METRNL: variants seen among roughly 807,000 people sequenced by gnomAD.
METRNL encodes meteorin-like protein.
Under a neutral mutation model 17.4 loss-of-function variants are expected in METRNL, and 9 were observed. The observed-to-expected ratio is 0.52, with a 90% CI of 0.31 to 0.90. The LOEUF (loss-of-function observed/expected upper bound fraction) is 0.90. Among genes scored for constraint, METRNL ranks in the 40% least tolerant of loss-of-function variants. The pLI is 0.05. For missense variants in METRNL, 408 were observed against 430.7 expected (o/e 0.95, Z 0.47); for synonymous variants, 215 against 199.3 (o/e 1.08, Z -0.66).
chr17:83,089,513 C>T (rs948148460), intron 2 of METRNL, among the ~76,000 whole-genome samples: 2 of 152,218 alleles, frequency 1.3e-5, no homozygotes, highest in South Asian at 2.1e-4. Context: ...CCCGCAGCAG[C>T]GTCCCCAACC....
At chr17:83,094,134 G>T in intron 3 of METRNL, 122 bp from the exon 4 acceptor site, 2 of 768,474 alleles carry the variant, frequency 2.6e-6, no homozygotes, top group Non-Finnish European at 2.0e-6. Context: ...ACGCTAGATG[G>T]CAGAGTCGGG....
chr17:83,079,831 C>T lies in METRNL; in HGVS notation c.16C>T (p.Arg6Trp). ...GCGCCAGAGCATGCGGGGCGCGGCG[C>T]GGGCGGCCTGGGGGCGCGCGGGGCA... Reference protein sequence around the residue: MRGAARAAWGRAGQPW... With the variant: MRGAAWAAWGRAGQPW... The change falls in exon 1 of 4, where the codon CGG (arginine) becomes TGG (tryptophan). Residue 6 changes from arginine to tryptophan, a missense_variant. By Grantham distance (101) the Arg-to-Trp change is moderately radical. Transcript: ENST00000320095. The T allele has an allele frequency of 6.2e-6, 6 of 973,632 alleles. No homozygotes were observed. The highest frequency in any genetic ancestry group is 9.4e-5 in the South Asian group (2 of 21,256). The allele number at this position is 973,632 out of a possible 1,614,324, so 60.3% of individuals were successfully genotyped here. A position where few individuals can be genotyped will look rare whatever the true frequency, so the allele number is the denominator to read the frequency against.
intron 1 of METRNL, among the ~76,000 whole-genome samples, chr17:83,082,413 C>T (rs1179521772): frequency 1.3e-5 from 2 of 152,232 alleles, no homozygotes; most frequent in Non-Finnish European, 2.9e-5. Flanking sequence ...ATTTGCCCTC[C>T]TTTCCATGAA....
chr17:83,094,641 T>C lies in METRNL; in HGVS notation c.*66T>C. 7.5e-7 allele frequency: 1 copy of C among 1,331,362 alleles called. No individual in the cohort carries two copies. Among genetic ancestry groups the C allele is most frequent in the Non-Finnish European group, 9.8e-7 (1 of 1,023,752 alleles). 82.5% of individuals were successfully genotyped at this position (1,331,362 alleles called of 1,614,324 possible). ...GCTGCGGTGGGCGCTGCGGTCCTGG[T>C]GGGGCCGTGCGGTGAGGGCCGCGCG... is the stretch of plus-strand genomic sequence containing the variant. On this transcript the variant is annotated 3_prime_UTR_variant, in exon 4 of 4. Transcript: ENST00000320095.
At chr17:83,086,882 C>A (rs1412206825) in intron 2 of METRNL, among the ~76,000 whole-genome samples, 1 of 152,000 alleles carries the variant, frequency 6.6e-6, no homozygotes, top group Non-Finnish European at 1.5e-5. Flanking sequence ...GTGCCCTCAC[C>A]TTTGGGAACA....
chr17:83,093,436 T>C (rs1358584472), intron 3 of METRNL, among the ~76,000 whole-genome samples: 1 of 152,158 alleles, frequency 6.6e-6, no homozygotes, highest in Non-Finnish European at 1.5e-5. Flanking sequence ...TGGAGGGAGC[T>C]GGGGGTTGTT....
intron 1 of METRNL, among the ~76,000 whole-genome samples, chr17:83,081,461 G>A (rs935691599): frequency 1.3e-5 from 2 of 152,160 alleles, no homozygotes; most frequent in African/African-American, 4.8e-5. Flanking sequence ...GCCTCCCGGA[G>A]CCCGAAGGGA....
rs775284752 is a variant in METRNL, at chr17:83,085,351, GCGGGCCTCGTCATCAC to G, written c.556+29_556+44del. The stretch of plus-strand genomic sequence containing the variant: ...GAGTGTCCTGCCTGGGGCGGGGGCG[GCGGGCCTCGTCATCAC>G]GGGGCTGGTGATGTGGCAGGTGTCT... On this transcript the variant is annotated intron_variant, in intron 2 of 3. Transcript: ENST00000320095. 2.0e-6 allele frequency: 3 copies of G among 1,511,386 alleles called. No individual in the cohort carries two copies. The South Asian group carries it at 4.0e-5, about 20-fold the overall frequency. The allele number at this position is 1,511,386 out of a possible 1,614,324, so 93.6% of individuals were successfully genotyped here. A position where few individuals can be genotyped will look rare whatever the true frequency, so the allele number is the denominator to read the frequency against.
Position 83,085,234 on chromosome 17 carries a change from C to T in METRNL, c.467C>T (p.Thr156Met), listed in dbSNP as rs547188958. 30 of 1,590,752 alleles carry T rather than the reference C, an allele frequency of 1.9e-5. No homozygotes were observed. Among genetic ancestry groups the T allele is most frequent in the Non-Finnish European group, 2.5e-5 (29 of 1,167,122 alleles). ...CAGGGCGGCCTGTTCGTGGAGGCCA[C>T]GCCGCAGCAGGATATCGGCCGGAGG... is the stretch of plus-strand genomic sequence containing the variant. Reference protein sequence around the residue: ...LEQGGLFVEATPQQDIGRRTT... With the variant: ...LEQGGLFVEAMPQQDIGRRTT... Residue 156 changes from threonine to methionine, a missense_variant, in exon 2 of 4, where the codon ACG becomes ATG. Thr to Met is a moderately conservative substitution (Grantham distance 81). Transcript: ENST00000320095.
At chr17:83,081,578 C>G (rs558985331) in intron 1 of METRNL, among the ~76,000 whole-genome samples, 1 of 152,244 alleles carries the variant, frequency 6.6e-6, no homozygotes, top group Admixed American at 6.5e-5. Flanking sequence ...GCTTTGCCCT[C>G]CAGGACCTGC....
chr17:83,090,241 CGCCCT>C (rs2038107021), intron 2 of METRNL, among the ~76,000 whole-genome samples: 1 of 66,588 alleles, frequency 1.5e-5, no homozygotes, highest in Non-Finnish European at 3.1e-5. Flanking sequence ...CACACACCCC[CGCCCT>C]GCCCCAGGGT....
chr17:83,085,409 C>T, intron 2 of METRNL, 86 bp downstream of exon 2: 13 of 1,453,362 alleles, frequency 8.9e-6, no homozygotes, highest in Non-Finnish European at 9.2e-6. Context: ...TCTTCCTGTC[C>T]CCTCGTCTGC....
chr17:83,093,110 G>A (rs2038159615), intron 2 of METRNL, 57 bp from the exon 3 acceptor site: 10 of 1,456,440 alleles, frequency 6.9e-6, no homozygotes, highest in African/African-American at 2.8e-5. Context: ...GGTGGTGGGC[G>A]GCGTTCCAGA....
chr17:83,093,337 C>A, intron 3 of METRNL, 111 bp downstream of exon 3: 1 of 900,250 alleles, frequency 1.1e-6, no homozygotes. Flanking sequence ...TCCGGTGCTG[C>A]GTGGACCCTC....
chr17:83,084,350 G>C (rs1366727787), intron 1 of METRNL: 1 of 152,898 alleles, frequency 6.5e-6, no homozygotes, highest in Non-Finnish European at 1.5e-5. Context: ...TAACTTAAAA[G>C]CTGCTCTCTG....
At chr17:83,091,455 C>T (rs1254641159) in intron 2 of METRNL, among the ~76,000 whole-genome samples, 1 of 152,336 alleles carries the variant, frequency 6.6e-6, no homozygotes, top group East Asian at 1.9e-4. Context: ...CCCAGTGCAC[C>T]GTAGACTCCA....
chr17:83,084,904 T>C, intron 1 of METRNL, 34 bp from the exon 2 acceptor site: 1 of 1,581,762 alleles, frequency 6.3e-7, no homozygotes, highest in Non-Finnish European at 8.6e-7. Context: ...TGACGGGAGC[T>C]CCGGGCCTGG....
At chr17:83,082,402 G>A (rs553668183) in intron 1 of METRNL, among the ~76,000 whole-genome samples, 119 of 152,320 alleles carry the variant, frequency 7.8e-4, no homozygotes, top group Admixed American at 1.5e-3. Context: ...ATCCACTTGG[G>A]ATTTGCCCTC....
rs185815124 is a variant in METRNL, at chr17:83,083,304, C to A, written c.171-1634C>A. ...CGCTCCCTCGACCTTCAGGACTCCC[C>A]GAGAGGGAGGCAACGTGTCAGGACG... On this transcript the variant is annotated intron_variant, in intron 1 of 3. Coordinates refer to ENST00000320095, the MANE Select transcript of METRNL (RefSeq NM_001004431.3). Among the ~76,000 whole-genome samples, 6 of 152,290 alleles carry A rather than the reference C, an allele frequency of 3.9e-5. No homozygotes were observed. In the South Asian group the frequency reaches 1.0e-3, roughly 26 times the overall value.
Sources: gnomAD v4.1 joint callset for allele counts (sites outside exome capture counted in the v4.1 genomes callset) on GRCh38, gnomAD v4.1.1 for gene constraint, MANE v1.5 for transcripts, NCBI Gene and HGNC (gene_info 2026-07-23, HGNC 2026-07-21) for gene names.